RYR2: variants seen among roughly 807,000 people sequenced by gnomAD.
RYR2 encodes the protein cardiac muscle ryanodine receptor-calcium release channel.
RYR2 carries 227 observed loss-of-function variants against 601.1 expected under a neutral mutation model. The ratio of observed to expected loss-of-function variants is 0.38; its 90% CI spans 0.34 to 0.42. The LOEUF (loss-of-function observed/expected upper bound fraction) is 0.42, where lower values mean the gene tolerates loss of function less well. Among genes scored for constraint, RYR2 ranks in the 10% least tolerant of loss-of-function variants. The pLI, the probability that RYR2 is intolerant of heterozygous loss-of-function variation, is 1.00. For missense variants in RYR2, 4,646 were observed against 6,156.5 expected, an observed-to-expected ratio of 0.75 and a Z score of 8.21; for synonymous variants, 2,223 against 2,175.1, an observed-to-expected ratio of 1.02 and a Z score of -0.61.
At chr1:237,683,527 C>G (rs566296107) in intron 62 of RYR2, among the ~76,000 whole-genome samples, 2 of 152,234 alleles carry the variant, frequency 1.3e-5, no homozygotes, top group African/African-American at 4.8e-5. Context: ...TCTTGAACAA[C>G]TTGTAGGTCA....
chr1:237,692,975 A>G (rs1460184267), intron 63 of RYR2, among the ~76,000 whole-genome samples: 4 of 152,144 alleles, frequency 2.6e-5, no homozygotes. Flanking sequence ...TAAATATTTT[A>G]TGAATATATG....
chr1:237,501,571 C>T (rs762973574), intron 21 of RYR2, among the ~76,000 whole-genome samples: 1 of 152,040 alleles, frequency 6.6e-6, no homozygotes, highest in Non-Finnish European at 1.5e-5. Context: ...TATTTTTATA[C>T]ACACACACAC....
At chr1:237,427,852 A>G (rs974130464) in intron 12 of RYR2, among the ~76,000 whole-genome samples, 3 of 151,798 alleles carry the variant, frequency 2.0e-5, no homozygotes, top group African/African-American at 7.3e-5. Flanking sequence ...GAATTCAGGC[A>G]AACTAAAGCA....
chr1:237,390,658 A>C (rs949880858), intron 10 of RYR2, among the ~76,000 whole-genome samples: 1 of 152,180 alleles, frequency 6.6e-6, no homozygotes, highest in African/African-American at 2.4e-5. Flanking sequence ...ACTGGATCCA[A>C]GAGGATCCTT....
chr1:237,082,557 A>ATATATATATATATATATATAT (rs1558200785), intron 1 of RYR2, among the ~76,000 whole-genome samples: 1 of 110,014 alleles, frequency 9.1e-6, no homozygotes, highest in Non-Finnish European at 1.9e-5. Flanking sequence ...ATATATATAT[A>ATATATATATATATATATATAT]AAATCGGATA....
chr1:237,643,234 T>C (rs543219315), intron 47 of RYR2, 93 bp from the exon 48 acceptor site: 1 of 1,500,594 alleles, frequency 6.7e-7, no homozygotes, highest in South Asian at 1.3e-5. Flanking sequence ...GAAAATTATT[T>C]TGGACTTGGA....
chr1:237,181,277 C>T (rs761581757), intron 1 of RYR2, among the ~76,000 whole-genome samples: 1 of 152,198 alleles, frequency 6.6e-6, no homozygotes, highest in African/African-American at 2.4e-5. Context: ...AGCCACCACA[C>T]CTGGCAGCTA....
chr1:237,453,430 TTAA>T (rs1330812869), intron 14 of RYR2, among the ~76,000 whole-genome samples: 9 of 152,180 alleles, frequency 5.9e-5, no homozygotes, highest in Non-Finnish European at 8.8e-5. Context: ...CTAATTCTCA[TTAA>T]TGAGTATTTT....
At chr1:237,442,294 G>A (rs1707981613) in intron 13 of RYR2, among the ~76,000 whole-genome samples, 1 of 152,152 alleles carries the variant, frequency 6.6e-6, no homozygotes, top group Non-Finnish European at 1.5e-5. Flanking sequence ...AGATTTAGCA[G>A]ATGTTATCTT....
intron 50 of RYR2, 24 bp from the exon 51 acceptor site, chr1:237,651,387 T>C (rs771164040): frequency 8.3e-5 from 125 of 1,506,310 alleles, no homozygotes; most frequent in Middle Eastern, 1.7e-4. Context: ...CTTGGCATTA[T>C]GAACATTAGC....
intron 23 of RYR2, among the ~76,000 whole-genome samples, chr1:237,510,781 A>G (rs1665813014): frequency 6.6e-6 from 1 of 152,256 alleles, no homozygotes. Flanking sequence ...TGAGAAGATA[A>G]CAAACCTAAT....
At chr1:237,425,427 C>A (rs541793457) in intron 12 of RYR2, among the ~76,000 whole-genome samples, 4 of 151,772 alleles carry the variant, frequency 2.6e-5, no homozygotes, top group Non-Finnish European at 5.9e-5. Flanking sequence ...TTTGGGAGGC[C>A]GAGGCAGGTG....
intron 5 of RYR2, 31 bp downstream of exon 5, chr1:237,364,403 A>G (rs1214790510): frequency 2.3e-6 from 3 of 1,300,652 alleles, no homozygotes; most frequent in Non-Finnish European, 3.2e-6. Context: ...TGCTATGTAT[A>G]TATATAGCAG....
At chr1:237,269,115 T>G (rs1471222277) in intron 1 of RYR2, among the ~76,000 whole-genome samples, 1 of 140,332 alleles carries the variant, frequency 7.1e-6, no homozygotes, top group Non-Finnish European at 1.5e-5. Flanking sequence ...CGATCTCAGC[T>G]CACTGCAACC....
chr1:237,432,188 A>G (rs2150103653), intron 12 of RYR2, among the ~76,000 whole-genome samples: 1 of 128,338 alleles, frequency 7.8e-6, no homozygotes, highest in Admixed American at 8.3e-5. Flanking sequence ...TGTATCCCAG[A>G]GCAATGACTT....
chr1:237,177,446 T>C (rs1238681890), intron 1 of RYR2, among the ~76,000 whole-genome samples: 1 of 152,192 alleles, frequency 6.6e-6, no homozygotes, highest in East Asian at 1.9e-4. Flanking sequence ...ATAATTCCTA[T>C]CCTGAATTCT....
intron 17 of RYR2, among the ~76,000 whole-genome samples, chr1:237,474,564 T>C (rs1661190596): frequency 6.6e-6 from 1 of 152,060 alleles, no homozygotes; most frequent in Admixed American, 6.5e-5. Context: ...CTCCCTTCTT[T>C]AGTTTTAGAA....
chr1:237,657,980 C>G lies in RYR2; in HGVS notation c.8166C>G (p.Asn2722Lys). Residue 2722 changes from asparagine to lysine, a missense_variant, in exon 54 of 105, where the codon AAC becomes AAG. Asn to Lys is a moderately conservative substitution (Grantham distance 94). This residue lies in a region of RYR2 where 1,497 missense variants were observed against 1,842.6 expected (regional missense o/e 0.81). Transcript: ENST00000366574. ...TIPEKLEYFINKYAEHSHDKW... is the reference protein window; with the variant it reads ...TIPEKLEYFIKKYAEHSHDKW... ...CTGAGAAATTGGAATACTTCATTAACAAATATGCAGAACACTCCCATGACA... is the reference window on the plus strand; with the variant it reads ...CTGAGAAATTGGAATACTTCATTAAGAAATATGCAGAACACTCCCATGACA... 6.6e-7 allele frequency: 1 copy of G among 1,519,310 alleles called. No individual in the cohort carries two copies. The highest frequency in any genetic ancestry group is 8.8e-7 in the Non-Finnish European group (1 of 1,131,126). 94.1% of individuals were successfully genotyped at this position (1,519,310 alleles called of 1,614,324 possible). A position where few individuals can be genotyped will look rare whatever the true frequency, so the allele number is the denominator to read the frequency against.
At chr1:237,816,263 T>TTG (rs1368646035) in intron 100 of RYR2, among the ~76,000 whole-genome samples, 6 of 152,108 alleles carry the variant, frequency 3.9e-5, no homozygotes, top group Non-Finnish European at 5.9e-5. Context: ...ACAAAGCTAC[T>TTG]TGTGAAGTCA....
Sources: allele counts gnomAD v4.1 joint callset (sites outside exome capture counted in the v4.1 genomes callset), GRCh38; gene constraint gnomAD v4.1.1; regional missense constraint gnomAD v4.1.1; transcripts MANE v1.5; gene names NCBI Gene and HGNC (gene_info 2026-07-23, HGNC 2026-07-21).